The following LRRTM4 variants were observed in gnomAD, a reference collection of about 807,000 sequenced individuals.
The protein encoded by LRRTM4 is leucine rich repeat transmembrane neuronal 4.
A neutral mutation model predicts 47.6 loss-of-function variants in LRRTM4; 25 were observed. The ratio of observed to expected loss-of-function variants is 0.53; its 90% CI spans 0.38 to 0.73. The LOEUF (loss-of-function observed/expected upper bound fraction) is 0.73. Among genes scored for constraint, LRRTM4 ranks in the 30% least tolerant of loss-of-function variants. The pLI, the probability that LRRTM4 is intolerant of heterozygous loss-of-function variation, is 0.00. For synonymous variants in LRRTM4, 311 were observed against 269.5 expected (o/e 1.15, Z -1.51); for missense variants, 638 against 713.4 (o/e 0.89, Z 1.20).
intron 3 of LRRTM4, among the ~76,000 whole-genome samples, chr2:76,835,062 T>G (rs1671470269): frequency 6.6e-6 from 1 of 152,098 alleles, no homozygotes. Flanking sequence ...TCCGAACATT[T>G]GAAAGAATCA....
intron 3 of LRRTM4, among the ~76,000 whole-genome samples, chr2:77,476,867 T>C (rs1307530863): frequency 1.3e-5 from 2 of 152,156 alleles, no homozygotes; most frequent in Non-Finnish European, 2.9e-5. Flanking sequence ...ATTCTCTTTA[T>C]TTTTCCTCAA....
chr2:76,962,169 A>T (rs992266940), intron 3 of LRRTM4, among the ~76,000 whole-genome samples: 1 of 151,364 alleles, frequency 6.6e-6, no homozygotes, highest in Non-Finnish European at 1.5e-5. Flanking sequence ...TGGTAGGTCA[A>T]ATATGATTTA....
At chr2:77,482,229 T>C (rs949157640) in intron 3 of LRRTM4, among the ~76,000 whole-genome samples, 3 of 152,236 alleles carry the variant, frequency 2.0e-5, no homozygotes, top group African/African-American at 7.2e-5. Flanking sequence ...AATATGATTT[T>C]GCCAATCTTT....
chr2:77,223,338 A>G (rs1010378008), intron 3 of LRRTM4, among the ~76,000 whole-genome samples: 3 of 152,176 alleles, frequency 2.0e-5, no homozygotes, highest in Non-Finnish European at 4.4e-5. Context: ...TATTCAACAT[A>G]GTGTTGGACA....
chr2:76,781,609 C>G (rs530791390), intron 3 of LRRTM4, among the ~76,000 whole-genome samples: 147 of 152,208 alleles, frequency 9.7e-4, no homozygotes, highest in Non-Finnish European at 1.7e-3. Context: ...CGCCCTGCTT[C>G]GGCTCGCGCA....
At chr2:76,771,540 C>G (rs1213780179) in intron 3 of LRRTM4, among the ~76,000 whole-genome samples, 2 of 151,508 alleles carry the variant, frequency 1.3e-5, no homozygotes, top group African/African-American at 2.4e-5. Context: ...CCTGGAGGAG[C>G]TGAGGCTGAG....
intron 3 of LRRTM4, among the ~76,000 whole-genome samples, chr2:77,379,013 C>T (rs1263555204): frequency 6.6e-6 from 1 of 151,986 alleles, no homozygotes; most frequent in Admixed American, 6.6e-5. Flanking sequence ...TGTCATTTGT[C>T]CATAATTGCT....
intron 3 of LRRTM4, among the ~76,000 whole-genome samples, chr2:77,295,125 T>C (rs1195802153): frequency 1.3e-5 from 2 of 152,192 alleles, no homozygotes; most frequent in Non-Finnish European, 2.9e-5. Context: ...GCACTTGTTA[T>C]AAATTTAATG....
chr2:76,776,827 CT>C (rs1674024197), intron 3 of LRRTM4, among the ~76,000 whole-genome samples: 1 of 141,972 alleles, frequency 7.0e-6, no homozygotes, highest in East Asian at 2.3e-4. Context: ...ACATGAAGTC[CT>C]TGCCCATGCC....
intron 3 of LRRTM4, among the ~76,000 whole-genome samples, chr2:76,912,604 G>A (rs150615296): frequency 7.2e-5 from 11 of 152,236 alleles, no homozygotes; most frequent in African/African-American, 2.2e-4. Flanking sequence ...AATTGATATC[G>A]TAGGGCCTGA....
chr2:76,980,592 C>CAGAT (rs1414443655), intron 3 of LRRTM4, among the ~76,000 whole-genome samples: 1 of 151,980 alleles, frequency 6.6e-6, no homozygotes, highest in African/African-American at 2.4e-5. Flanking sequence ...ATGATTAAGA[C>CAGAT]AGATACACTC....
rs5832252 is a variant in LRRTM4 at position 76,812,673 on chromosome 2, C to CTCTTTCTTTCTTTCTTTCTTTCTTTCTT, written c.1552-63758_1552-63757insAAGAAAGAAAGAAAGAAAGAAAGAAAGA. Among the ~76,000 whole-genome samples, 1,455 of 147,912 alleles carry CTCTTTCTTTCTTTCTTTCTTTCTTTCTT rather than the reference C, an allele frequency of 9.8e-3. 15 individuals carry two copies. The highest frequency in any genetic ancestry group is 0.026 in the South Asian group (119 of 4,596). Reference sequence around the variant, plus strand: ...TATGAAGGAGACTGTTACAAATAAGCTCTTTCTTTCTTTCTTTCTTTCTTT... The same window carrying CTCTTTCTTTCTTTCTTTCTTTCTTTCTT: ...TATGAAGGAGACTGTTACAAATAAGCTCTTTCTTTCTTTCTTTCTTTCTTTCTTTCTTTCTTTCTTTCTTTCTTTCTTT... On this transcript the variant is annotated intron_variant, in intron 3 of 3. Coordinates refer to ENST00000409884, the MANE Select transcript of LRRTM4 (RefSeq NM_001134745.3).
chr2:77,461,138 T>A lies in LRRTM4; in HGVS notation c.1551+57180A>T, dbSNP rs374040418. 4.1e-5 allele frequency among the ~76,000 whole-genome samples: 6 copies of A among 145,454 alleles called. No individual in the cohort carries two copies. The South Asian group carries it at 6.7e-4, about 16-fold the overall frequency. ...TATATACGTACATTTACATACACAGTGAGAGAGAGAGAGAGAGAGAGAGAG... is the reference window on the plus strand; with the variant it reads ...TATATACGTACATTTACATACACAGAGAGAGAGAGAGAGAGAGAGAGAGAG... On this transcript the variant is annotated intron_variant, in intron 3 of 3. Coordinates refer to ENST00000409884, the MANE Select transcript of LRRTM4 (RefSeq NM_001134745.3).
chr2:76,819,864 T>A (rs1671004973), intron 3 of LRRTM4, among the ~76,000 whole-genome samples: 1 of 151,952 alleles, frequency 6.6e-6, no homozygotes, highest in Non-Finnish European at 1.5e-5. Flanking sequence ...CACCTACTTT[T>A]TGCTTTTTCA....
intron 3 of LRRTM4, among the ~76,000 whole-genome samples, chr2:77,074,285 T>C (rs1156485792): frequency 6.6e-6 from 1 of 152,112 alleles, no homozygotes; most frequent in Non-Finnish European, 1.5e-5. Flanking sequence ...CATTTGTACA[T>C]CCTGTGTTCT....
At chr2:77,139,699 T>C (rs759861236) in intron 3 of LRRTM4, among the ~76,000 whole-genome samples, 2 of 152,296 alleles carry the variant, frequency 1.3e-5, no homozygotes, top group South Asian at 2.1e-4. Context: ...TGTTTGTAGA[T>C]GATATGATTA....
intron 3 of LRRTM4, among the ~76,000 whole-genome samples, chr2:77,371,146 TGTGAGACAGACAG>T (rs1008008941): frequency 1.6e-4 from 24 of 151,792 alleles, no homozygotes; most frequent in African/African-American, 5.8e-4. Flanking sequence ...TTAGTTAAGA[TGTGAGACAGACAG>T]GTGACTTTCA....
chr2:76,857,843 A>C (rs913110212), intron 3 of LRRTM4, among the ~76,000 whole-genome samples: 1 of 152,148 alleles, frequency 6.6e-6, no homozygotes, highest in African/African-American at 2.4e-5. Context: ...TAAGCATTAC[A>C]AACTAGCAAA....
intron 3 of LRRTM4, among the ~76,000 whole-genome samples, chr2:76,963,671 C>T (rs746480691): frequency 2.7e-5 from 4 of 150,734 alleles, no homozygotes; most frequent in African/African-American, 7.3e-5. Flanking sequence ...TTAGGATTTT[C>T]GTACTGTTTC....
Sources: allele counts gnomAD v4.1 joint callset (sites outside exome capture counted in the v4.1 genomes callset), GRCh38; gene constraint gnomAD v4.1.1; transcripts MANE v1.5; gene names NCBI Gene and HGNC (gene_info 2026-07-23, HGNC 2026-07-21).